Variants in CHM observed in about 807,000 individuals in gnomAD.
CHM encodes the protein CHM Rab escort protein, also known as rab proteins geranylgeranyltransferase component A 1.
In CHM, 10 loss-of-function variants were observed where a neutral mutation model predicts 49.0. The ratio of observed to expected loss-of-function variants is 0.20; its 90% CI spans 0.13 to 0.35. The LOEUF (loss-of-function observed/expected upper bound fraction) is 0.35, where lower values mean the gene tolerates loss of function less well. Ranked by LOEUF, CHM falls within the 10% of genes least tolerant of loss-of-function variation. The pLI, the probability that CHM is intolerant of heterozygous loss-of-function variation, is 1.00. For synonymous variants in CHM, 184 were observed against 167.5 expected (o/e 1.10, Z -0.76); for missense variants, 455 against 478.4 (o/e 0.95, Z 0.46).
intron 8 of CHM, among the ~76,000 whole-genome samples, chrX:85,934,418 C>T (rs1172522749): frequency 2.0e-4 from 13 of 64,685 alleles, no homozygotes; most frequent in Admixed American, 1.8e-3. Context: ...AATGTTATCC[C>T]TCCCCCCTCC....
chrX:85,955,156 A>G (rs1296278694), intron 8 of CHM, among the ~76,000 whole-genome samples: 1 of 111,841 alleles, frequency 8.9e-6, no homozygotes, highest in Admixed American at 9.5e-5. Flanking sequence ...AAACGTAGTT[A>G]GAAAGAATGA....
intron 8 of CHM, among the ~76,000 whole-genome samples, chrX:85,954,768 T>A (rs994194077): frequency 9.1e-6 from 1 of 109,632 alleles, no homozygotes; most frequent in Middle Eastern, 4.2e-3. Context: ...GGCACGTGCC[T>A]GTAATCCCAG....
At chrX:86,020,949 T>C (rs1209507383) in intron 2 of CHM, among the ~76,000 whole-genome samples, 4 of 90,311 alleles carry the variant, frequency 4.4e-5, no homozygotes, top group African/African-American at 1.4e-4. Flanking sequence ...TATATATCAT[T>C]ATCTATCAGA....
chrX:85,955,316 A>T (rs2147661623), intron 8 of CHM, among the ~76,000 whole-genome samples: 1 of 112,036 alleles, frequency 8.9e-6, no homozygotes, highest in South Asian at 3.7e-4. Flanking sequence ...ATGATGGATT[A>T]CACTTTGCAT....
At position 86,047,542 on chromosome X, in the gene CHM, A is replaced by G; in HGVS notation, c.-10T>C. ...GGAGAGTATCCGCCATCTTGACGGGAAACGTGTCATGTGACTATTACTTGT... is the reference window on the plus strand; with the variant it reads ...GGAGAGTATCCGCCATCTTGACGGGGAACGTGTCATGTGACTATTACTTGT... On this transcript the variant is annotated 5_prime_UTR_variant, in exon 1 of 15. Transcript: ENST00000357749. 1 of 1,198,308 alleles carries G rather than the reference A, an allele frequency of 8.3e-7. No homozygotes were observed. The highest frequency in any genetic ancestry group is 1.1e-6 in the Non-Finnish European group (1 of 885,618).
intron 1 of CHM, among the ~76,000 whole-genome samples, chrX:86,033,896 G>T (rs1934135697): frequency 8.9e-6 from 1 of 111,960 alleles, no homozygotes; most frequent in South Asian, 3.7e-4. Context: ...AACAAAATGT[G>T]TATTTATAGC....
intron 12 of CHM, among the ~76,000 whole-genome samples, chrX:85,887,076 A>G (rs1925132055): frequency 9.2e-6 from 1 of 108,613 alleles, no homozygotes; most frequent in African/African-American, 3.4e-5. Flanking sequence ...TCCTGGTGTA[A>G]GCCTTACTAT....
chrX:85,924,845 A>G (rs1467918092), intron 8 of CHM, among the ~76,000 whole-genome samples: 1 of 111,808 alleles, frequency 8.9e-6, no homozygotes, highest in Non-Finnish European at 1.9e-5. Flanking sequence ...ATCATGCTTA[A>G]TCTAGAAAAA....
At chrX:86,033,035 CTAAGA>C (rs1934103626) in intron 1 of CHM, among the ~76,000 whole-genome samples, 1 of 111,425 alleles carries the variant, frequency 9.0e-6, no homozygotes, top group Admixed American at 9.6e-5. Context: ...AGAACCTCAC[CTAAGA>C]TATTTTACAG....
intron 2 of CHM, among the ~76,000 whole-genome samples, chrX:86,010,605 G>A (rs1933034455): frequency 9.0e-6 from 1 of 111,114 alleles, no homozygotes; most frequent in Non-Finnish European, 1.9e-5. Flanking sequence ...ATACCAGGCA[G>A]ATGCTCCAGT....
chrX:85,960,016 A>C (rs1569426004), intron 5 of CHM, among the ~76,000 whole-genome samples: 1 of 111,694 alleles, frequency 9.0e-6, no homozygotes, highest in East Asian at 2.8e-4. Flanking sequence ...CACTTTTTTG[A>C]AGCTAATCTG....
At chrX:85,939,762 T>C (rs1053574139) in intron 8 of CHM, among the ~76,000 whole-genome samples, 1 of 112,324 alleles carries the variant, frequency 8.9e-6, no homozygotes, top group African/African-American at 3.2e-5. Context: ...CTACTCAGTA[T>C]CTCCTATATG....
At chrX:85,946,084 C>CA (rs1474197757) in intron 8 of CHM, among the ~76,000 whole-genome samples, 3 of 112,377 alleles carry the variant, frequency 2.7e-5, no homozygotes, top group Non-Finnish European at 5.6e-5. Flanking sequence ...CTGGCTGCTT[C>CA]TAATAGCCTA....
intron 8 of CHM, among the ~76,000 whole-genome samples, chrX:85,949,539 G>T (rs1929612799): frequency 9.1e-6 from 1 of 110,328 alleles, no homozygotes. Context: ...AAGAGGGAAA[G>T]AGTAACTAAG....
At chrX:85,972,628 G>T (rs190813035) in intron 4 of CHM, among the ~76,000 whole-genome samples, 3 of 112,790 alleles carry the variant, frequency 2.7e-5, no homozygotes, top group Non-Finnish European at 3.8e-5. Context: ...GCCCGGGGCC[G>T]GCAGGGCTGG....
intron 4 of CHM, among the ~76,000 whole-genome samples, chrX:85,972,189 C>A (rs1426826673): frequency 8.9e-6 from 1 of 112,117 alleles, no homozygotes; most frequent in Non-Finnish European, 1.9e-5. Flanking sequence ...GGTGCACTCA[C>A]AAACCCTGAG....
intron 2 of CHM, among the ~76,000 whole-genome samples, chrX:85,995,051 G>C (rs1384967305): frequency 1.8e-5 from 2 of 109,758 alleles, no homozygotes; most frequent in Non-Finnish European, 3.8e-5. Context: ...CTCTGTTTGA[G>C]CTCTATGGGA....
intron 11 of CHM, among the ~76,000 whole-genome samples, chrX:85,897,401 G>A (rs1171746663): frequency 2.0e-5 from 2 of 102,173 alleles, no homozygotes; most frequent in African/African-American, 7.2e-5. Flanking sequence ...TGAAGATACA[G>A]GAGAGAGAGC....
intron 12 of CHM, among the ~76,000 whole-genome samples, chrX:85,881,256 C>A (rs1015664491): frequency 9.0e-6 from 1 of 111,589 alleles, no homozygotes; most frequent in Admixed American, 9.6e-5. Context: ...GGGAAATTAT[C>A]TGATTTACCA....
Sources: gnomAD v4.1 joint callset for allele counts (sites outside exome capture counted in the v4.1 genomes callset) on GRCh38, gnomAD v4.1.1 for gene constraint, MANE v1.5 for transcripts, NCBI Gene and HGNC (gene_info 2026-07-23, HGNC 2026-07-21) for gene names.